Variants in ABI1 observed in about 807,000 individuals in gnomAD.
ABI1 encodes the protein abl interactor 1.
ABI1 carries 14 observed loss-of-function variants against 54.6 expected under a neutral mutation model. The ratio of observed to expected loss-of-function variants is 0.26; its 90% CI spans 0.17 to 0.40. ABI1 has a LOEUF of 0.40. Ranked by LOEUF, ABI1 falls within the 10% of genes least tolerant of loss-of-function variation. The pLI is 1.00. For missense variants in ABI1, 443 were observed against 598.3 expected (o/e 0.74, Z 2.71); for synonymous variants, 194 against 209.3 (o/e 0.93, Z 0.63).
intron 2 of ABI1, among the ~76,000 whole-genome samples, chr10:26,787,581 C>CA (rs1041794918): frequency 2.1e-5 from 3 of 144,510 alleles, no homozygotes; most frequent in Middle Eastern, 3.5e-3. Flanking sequence ...GCAGGGTGAG[C>CA]AAAAAAAAGG....
At position 26,860,599 on chromosome 10, in the gene ABI1, C is replaced by A; in HGVS notation, c.117+148G>T. 1.5e-6 allele frequency: 1 copy of A among 665,372 alleles called. No individual in the cohort carries two copies. The allele number at this position is 665,372 out of a possible 1,614,324, so 41.2% of individuals were successfully genotyped here. A position where few individuals can be genotyped will look rare whatever the true frequency, so the allele number is the denominator to read the frequency against. On this transcript the variant is annotated intron_variant, in intron 1 of 10. Coordinates refer to ENST00000376140, the MANE Select transcript of ABI1 (RefSeq NM_001012750.3). This position sits in a 1 kb window ranked among gnomAD's most constrained non-coding sequence, Gnocchi z 4.1. ...TCAGCCCGGCCACTCGCTCTGTCCC[C>A]GGTTGGGGCTGGGGTTGGGGCTGCG...
chr10:26,754,636 A>C (rs1838057810), intron 9 of ABI1, among the ~76,000 whole-genome samples: 1 of 152,200 alleles, frequency 6.6e-6, no homozygotes, highest in South Asian at 2.1e-4. Context: ...AAGCTGAAGA[A>C]TGGAATTTGC....
chr10:26,748,874 T>A (rs1345419318), intron 10 of ABI1, 129 bp from the exon 11 acceptor site: 5 of 710,044 alleles, frequency 7.0e-6, no homozygotes, highest in Non-Finnish European at 1.1e-5. Context: ...AATTTTTGTA[T>A]CTATCAATAT....
chr10:26,759,273 G>T, intron 7 of ABI1, 35 bp from the exon 8 acceptor site: 1 of 1,602,046 alleles, frequency 6.2e-7, no homozygotes, highest in South Asian at 1.1e-5. Context: ...CCAACAAAGA[G>T]ACTTGAGCAT....
intron 8 of ABI1, among the ~76,000 whole-genome samples, chr10:26,757,888 T>C (rs1436688893): frequency 6.6e-6 from 1 of 151,772 alleles, no homozygotes; most frequent in African/African-American, 2.4e-5. Flanking sequence ...GCCAACATGG[T>C]GAAATGCTGT....
At chr10:26,790,390 T>C (rs1040243757) in intron 2 of ABI1, 1 of 152,212 alleles carries the variant, frequency 6.6e-6, no homozygotes, top group Admixed American at 6.5e-5. Flanking sequence ...GTCAGTGATG[T>C]TGAATTTTTT....
intron 2 of ABI1, among the ~76,000 whole-genome samples, chr10:26,798,660 T>G (rs2046355757): frequency 6.6e-6 from 1 of 151,980 alleles, no homozygotes; most frequent in African/African-American, 2.4e-5. Flanking sequence ...TATAGGAAAC[T>G]AAGGCGCACA....
rs75224105 is a variant in ABI1, at chr10:26,782,184, C to T, written c.286-4943G>A. Among the ~76,000 whole-genome samples, 171 of 152,320 alleles carry T rather than the reference C, an allele frequency of 1.1e-3. 2 individuals are homozygous for T. In the East Asian group the frequency reaches 0.027, roughly 24 times the overall value. ...CAGTACCGTGGTCCTTGACACTAATCTGTGTCCTATTTTTACTTTCCACAT... is the reference window on the plus strand; with the variant it reads ...CAGTACCGTGGTCCTTGACACTAATTTGTGTCCTATTTTTACTTTCCACAT... On this transcript the variant is annotated intron_variant, in intron 2 of 10. Transcript: ENST00000376140.
At chr10:26,822,630 C>T (rs1037110880) in intron 2 of ABI1, among the ~76,000 whole-genome samples, 62 of 152,038 alleles carry the variant, frequency 4.1e-4, no homozygotes, top group African/African-American at 1.3e-3. Context: ...CTATATGATT[C>T]CATTTATATA....
intron 2 of ABI1, among the ~76,000 whole-genome samples, chr10:26,781,285 T>G (rs945892171): frequency 6.6e-6 from 1 of 152,250 alleles, no homozygotes; most frequent in African/African-American, 2.4e-5. Flanking sequence ...CAAGCCTCTG[T>G]CATCACATGG....
chr10:26,842,971 G>A (rs950005743), intron 1 of ABI1, among the ~76,000 whole-genome samples: 3 of 152,064 alleles, frequency 2.0e-5, no homozygotes, highest in African/African-American at 7.2e-5. Context: ...TTGAACCCGG[G>A]AGGAGGAGGC....
At position 26,778,897 on chromosome 10, in the gene ABI1, A is replaced by T. The variant is rs144249218; in HGVS notation, c.286-1656T>A. On this transcript the variant is annotated intron_variant, in intron 2 of 10. Coordinates refer to ENST00000376140, the MANE Select transcript of ABI1 (RefSeq NM_001012750.3). ...TGAGAATACTTTTTCTCTAATGTAC[A>T]CAACTGTGTATGCAGGCATCACCTG... 2.8e-3 allele frequency among the ~76,000 whole-genome samples: 432 copies of T among 152,304 alleles called. 1 individual carries two copies. The highest frequency in any genetic ancestry group is 9.5e-3 in the African/African-American group (396 of 41,568).
intron 1 of ABI1, among the ~76,000 whole-genome samples, chr10:26,849,312 GA>G (rs201581937): frequency 6.7e-6 from 1 of 148,702 alleles, no homozygotes. Flanking sequence ...ACCATCCACA[GA>G]AAAAAAAAGA....
intron 1 of ABI1, among the ~76,000 whole-genome samples, chr10:26,837,072 A>G (rs552882904): frequency 4.6e-5 from 7 of 152,164 alleles, no homozygotes; most frequent in Admixed American, 4.6e-4. Flanking sequence ...CTGAGAAATC[A>G]CTCTAGTTTG....
At chr10:26,765,465 T>C in intron 6 of ABI1, 147 bp from the exon 7 acceptor site, 1 of 638,390 alleles carries the variant, frequency 1.6e-6, no homozygotes, top group Non-Finnish European at 2.7e-6. Flanking sequence ...AGAGCCCCCT[T>C]GGATACCAAA....
intron 8 of ABI1, among the ~76,000 whole-genome samples, chr10:26,756,386 T>C (rs1260444713): frequency 2.0e-5 from 3 of 152,094 alleles, no homozygotes; most frequent in African/African-American, 4.8e-5. Context: ...AAAATATCAG[T>C]CCTAAATTTA....
intron 5 of ABI1, among the ~76,000 whole-genome samples, chr10:26,769,682 C>A (rs1840409120): frequency 6.6e-6 from 1 of 152,150 alleles, no homozygotes; most frequent in African/African-American, 2.4e-5. Context: ...AAGGAAGAAG[C>A]CACTGTTATC....
intron 2 of ABI1, among the ~76,000 whole-genome samples, chr10:26,798,344 T>C (rs1844455290): frequency 6.6e-6 from 1 of 151,980 alleles, no homozygotes; most frequent in East Asian, 1.9e-4. Flanking sequence ...CGAGGGTCCT[T>C]ACAAGCCAAA....
intron 3 of ABI1, among the ~76,000 whole-genome samples, chr10:26,772,674 C>T (rs1840843135): frequency 1.3e-5 from 2 of 152,168 alleles, no homozygotes; most frequent in Admixed American, 6.5e-5. Flanking sequence ...ATAACCTCTA[C>T]ATCTTACACC....
Sources: gnomAD v4.1 joint callset for allele counts (sites outside exome capture counted in the v4.1 genomes callset) on GRCh38, gnomAD v4.1.1 for gene constraint, Gnocchi (gnomAD v3.1) non-coding constraint, MANE v1.5 for transcripts, NCBI Gene and HGNC (gene_info 2026-07-23, HGNC 2026-07-21) for gene names.